TPRG1: variants seen among roughly 807,000 people sequenced by gnomAD.
The protein encoded by TPRG1 is tumor protein p63 regulated 1.
A neutral mutation model predicts 29.3 loss-of-function variants in TPRG1; 29 were observed. That is an observed-to-expected ratio of 0.99 (90% CI 0.74 to 1.35). The LOEUF is 1.35. TPRG1 is among the 40% of genes most tolerant of loss of function. TPRG1 has a pLI of 0.00. For synonymous variants in TPRG1, 130 were observed against 116.8 expected (o/e 1.11, Z -0.73); for missense variants, 327 against 335.0 (o/e 0.98, Z 0.19).
chr3:189,212,252 C>T (rs1473948909), intron 2 of TPRG1: 4 of 152,040 alleles, frequency 2.6e-5, no homozygotes, highest in Admixed American at 6.6e-5. Flanking sequence ...AATGGTTCCC[C>T]GTGGCGTTTT....
chr3:189,148,092 G>A (rs1042372771), intron 4 of TPRG1, among the ~76,000 whole-genome samples: 3 of 152,286 alleles, frequency 2.0e-5, no homozygotes, highest in Non-Finnish European at 2.9e-5. Flanking sequence ...AAAAGTCTTG[G>A]TGTTTGTAGG....
intron 4 of TPRG1, among the ~76,000 whole-genome samples, chr3:189,037,797 A>G (rs937888897): frequency 1.3e-4 from 19 of 151,766 alleles, no homozygotes; most frequent in Non-Finnish European, 4.4e-5. Context: ...TACCAGTAGT[A>G]AATTAGTAAG....
At chr3:189,095,221 C>G (rs1196842559), upstream of TPRG1, among the ~76,000 whole-genome samples, 1 of 152,074 alleles carries the variant, frequency 6.6e-6, no homozygotes, top group Non-Finnish European at 1.5e-5. Flanking sequence ...AATTGCCAGT[C>G]TAGGAGAGGC....
rs141895328 is a variant in TPRG1, at chr3:189,159,868, G to GTGTGTGTGTGTGTGTGTGTGTGT, written c.-10+8996_-10+8997insTGTGTGTGTGTGTGTGTGTGTGT. On this transcript the variant is annotated intron_variant, in intron 5 of 6. Coordinates refer to the TPRG1 transcript ENST00000412373. ...TGTGTGTGTGTGTGTGTGTGTGTGT[G>GTGTGTGTGTGTGTGTGTGTGTGT]GTGGTGGGGGTAGGGGTTCACGAGC... Among the ~76,000 whole-genome samples the GTGTGTGTGTGTGTGTGTGTGTGT allele has an allele frequency of 1.6e-4, 23 of 146,694 alleles. 1 individual carries two copies. The highest frequency in any genetic ancestry group is 2.9e-4 in the Non-Finnish European group (19 of 66,456).
At position 189,308,397 on chromosome 3, in the gene TPRG1, T is replaced by C. The variant is rs78887066; in HGVS notation, c.480-1989T>C. ...TAAAGGCATCTGCAGTCTCCACGAT[T>C]GTTCTAATGGTGTTTGACAAAAGAG... On this transcript the variant is annotated intron_variant, in intron 4 of 5. Transcript: ENST00000345063. Among the ~76,000 whole-genome samples the C allele has an allele frequency of 2.5e-3, 385 of 152,326 alleles. 1 individual carries two copies. Among genetic ancestry groups the C allele is most frequent in the Non-Finnish European group, 4.3e-3 (294 of 68,028 alleles).
At position 189,009,877 on chromosome 3, in the gene TPRG1, C is replaced by T. The variant is rs115691205; in HGVS notation, c.-660+5117C>T. The stretch of plus-strand genomic sequence containing the variant: ...GGTAAATGTGTGCCATGGTGGTTTG[C>T]GCGCAGATCATCCCATCACCCAGGT... On this transcript the variant is annotated intron_variant, in intron 3 of 10. Transcript: ENST00000433971. Among the ~76,000 whole-genome samples, 686 of 151,710 alleles carry T rather than the reference C, an allele frequency of 4.5e-3. 8 individuals are homozygous for T. The highest frequency in any genetic ancestry group is 0.015 in the African/African-American group (635 of 41,326).
intron 4 of TPRG1, among the ~76,000 whole-genome samples, chr3:189,299,696 A>AAAATGGAT (rs1226080708): frequency 6.6e-6 from 1 of 151,924 alleles, no homozygotes. Context: ...CATGAACTGC[A>AAAATGGAT]AAATGGATAT....
intron 4 of TPRG1, among the ~76,000 whole-genome samples, chr3:189,298,988 T>C (rs1398580720): frequency 6.6e-6 from 1 of 152,102 alleles, no homozygotes; most frequent in Non-Finnish European, 1.5e-5. Flanking sequence ...TGCCCGTGTA[T>C]GTATTCCAGA....
intron 4 of TPRG1, among the ~76,000 whole-genome samples, chr3:189,268,557 G>A (rs146686668): frequency 6.6e-6 from 1 of 152,308 alleles, no homozygotes; most frequent in African/African-American, 2.4e-5. Context: ...GCTGGGGAAT[G>A]CCTGAGAAGG....
intron 4 of TPRG1, among the ~76,000 whole-genome samples, chr3:189,050,768 A>G (rs1210848911): frequency 6.6e-6 from 1 of 152,230 alleles, no homozygotes; most frequent in African/African-American, 2.4e-5. Context: ...GGATGCAGGG[A>G]TGGTTTAACG....
At chr3:189,038,829 A>C (rs1714451696) in intron 4 of TPRG1, among the ~76,000 whole-genome samples, 2 of 152,176 alleles carry the variant, frequency 1.3e-5, no homozygotes, top group Admixed American at 1.3e-4. Flanking sequence ...CAATTCACAG[A>C]AGGGCAAACC....
intron 4 of TPRG1, among the ~76,000 whole-genome samples, chr3:189,259,908 C>T (rs1248544618): frequency 2.6e-5 from 4 of 152,186 alleles, no homozygotes; most frequent in African/African-American, 9.7e-5. Flanking sequence ...TCCTCCTCTG[C>T]CTTTGTCATG....
intron 4 of TPRG1, among the ~76,000 whole-genome samples, chr3:189,050,027 A>G (rs182268733): frequency 6.6e-5 from 10 of 152,346 alleles, no homozygotes; most frequent in African/African-American, 2.2e-4. Context: ...AAGGAACTAG[A>G]TCAACAAGAA....
intron 3 of TPRG1, among the ~76,000 whole-genome samples, chr3:189,238,248 G>A (rs1291991711): frequency 6.6e-6 from 1 of 152,238 alleles, no homozygotes; most frequent in African/African-American, 2.4e-5. Context: ...GCGGACCTGT[G>A]TTCCAGTCTC....
At chr3:189,094,932 C>A (rs187229980) in intron 4 of TPRG1, among the ~76,000 whole-genome samples, 1 of 152,146 alleles carries the variant, frequency 6.6e-6, no homozygotes, top group Admixed American at 6.5e-5. Context: ...GATGCACAAC[C>A]GTAGAAAATG....
chr3:189,089,384 AT>A (rs1252344011), intron 4 of TPRG1, among the ~76,000 whole-genome samples: 2 of 152,150 alleles, frequency 1.3e-5, no homozygotes, highest in Admixed American at 6.5e-5. Context: ...ATTTGTCTAG[AT>A]TTTCAAATTT....
chr3:189,035,364 A>T (rs532372052), intron 4 of TPRG1, among the ~76,000 whole-genome samples: 114 of 152,288 alleles, frequency 7.5e-4, no homozygotes, highest in African/African-American at 2.3e-3. Context: ...ATCATTCTGT[A>T]CATCACCTTG....
intron 4 of TPRG1, among the ~76,000 whole-genome samples, chr3:189,283,646 G>A (rs1050835543): frequency 2.6e-5 from 4 of 152,180 alleles, no homozygotes; most frequent in Non-Finnish European, 5.9e-5. Flanking sequence ...GTTGGGGAAC[G>A]ATCAGCAGTG....
intron 4 of TPRG1, among the ~76,000 whole-genome samples, chr3:189,038,471 G>A (rs1269385195): frequency 6.6e-6 from 1 of 151,954 alleles, no homozygotes; most frequent in Non-Finnish European, 1.5e-5. Context: ...AGTAAAATTT[G>A]ATAAAATTTT....
Sources: gnomAD v4.1 joint callset for allele counts (sites outside exome capture counted in the v4.1 genomes callset) on GRCh38, gnomAD v4.1.1 for gene constraint, MANE v1.5 for transcripts, NCBI Gene and HGNC (gene_info 2026-07-23, HGNC 2026-07-21) for gene names.